The following DMD variants were observed in gnomAD, a reference collection of about 807,000 sequenced individuals.
The protein encoded by DMD is dystrophin.
DMD carries 63 observed loss-of-function variants against 330.1 expected under a neutral mutation model. The ratio of observed to expected loss-of-function variants is 0.19; its 90% CI spans 0.16 to 0.24. DMD has a LOEUF of 0.24. Ranked by LOEUF, DMD falls within the 10% of genes least tolerant of loss-of-function variation. The pLI is 1.00. For synonymous variants in DMD, 1,223 were observed against 959.8 expected, an observed-to-expected ratio of 1.27 and a Z score of -5.07; for missense variants, 3,344 against 2,684.1, an observed-to-expected ratio of 1.25 and a Z score of -5.43.
At chrX:32,779,347 C>T (rs1330100230) in intron 7 of DMD, among the ~76,000 whole-genome samples, 1 of 110,183 alleles carries the variant, frequency 9.1e-6, no homozygotes, top group Non-Finnish European at 1.9e-5. Flanking sequence ...TATGCTAGCA[C>T]ATTTTTTCTG....
chrX:32,689,661 C>G (rs1017779285), intron 9 of DMD, among the ~76,000 whole-genome samples: 1 of 110,599 alleles, frequency 9.0e-6, no homozygotes, highest in Non-Finnish European at 1.9e-5. Context: ...CAACAAAATT[C>G]TGGCAAATTT....
intron 11 of DMD, among the ~76,000 whole-genome samples, chrX:32,626,762 T>A (rs1267118497): frequency 2.9e-5 from 3 of 104,236 alleles, no homozygotes; most frequent in Non-Finnish European, 5.7e-5. Flanking sequence ...TATACCTATG[T>A]ATCAAACCTG....
chrX:32,107,445 T>C (rs1276691683), intron 44 of DMD, among the ~76,000 whole-genome samples: 1 of 106,949 alleles, frequency 9.4e-6, no homozygotes, highest in Non-Finnish European at 1.9e-5. Context: ...GACTGACAAC[T>C]CCCAAGGTAT....
intron 44 of DMD, among the ~76,000 whole-genome samples, chrX:32,132,122 T>C (rs1313851679): frequency 8.9e-6 from 1 of 111,939 alleles, no homozygotes; most frequent in Non-Finnish European, 1.9e-5. Context: ...ATGATGAATA[T>C]TATAAAATAA....
At chrX:32,327,190 G>A (rs773181907) in intron 41 of DMD, among the ~76,000 whole-genome samples, 3 of 37,925 alleles carry the variant, frequency 7.9e-5, no homozygotes, top group East Asian at 1.2e-3. Flanking sequence ...AAGCTACTAG[G>A]GGCACAAAAA....
chrX:31,635,510 A>G (rs1318534139), intron 54 of DMD, among the ~76,000 whole-genome samples: 1 of 111,930 alleles, frequency 8.9e-6, no homozygotes, highest in Admixed American at 9.5e-5. Context: ...CATAATATTC[A>G]GAAGACAGCA....
chrX:32,561,322 T>G (rs1321980084), intron 16 of DMD, among the ~76,000 whole-genome samples: 1 of 111,106 alleles, frequency 9.0e-6, no homozygotes, highest in Non-Finnish European at 1.9e-5. Flanking sequence ...AATGACCTGA[T>G]AGAGCTGAGA....
chrX:32,413,560 C>A (rs1325096064), intron 29 of DMD, among the ~76,000 whole-genome samples: 1 of 110,043 alleles, frequency 9.1e-6, no homozygotes, highest in Admixed American at 9.8e-5. Context: ...TATCTTACCT[C>A]AAATATGCTA....
chrX:31,936,535 C>G lies in DMD; in HGVS notation c.6615-4308G>C, dbSNP rs559007283. ...TTCCACTGTCAATTATCGGCAATGT[C>G]TGTTGCCCATTTTTCCTGTGTTTTC... On this transcript the variant is annotated intron_variant, in intron 45 of 78. Coordinates refer to ENST00000357033, the MANE Select transcript of DMD (RefSeq NM_004006.3). Among the ~76,000 whole-genome samples, 7 of 111,815 alleles carry G rather than the reference C, an allele frequency of 6.3e-5. No homozygotes were observed. In the South Asian group the frequency reaches 2.6e-3, roughly 41 times the overall value.
At chrX:32,075,636 G>A (rs900697024) in intron 44 of DMD, among the ~76,000 whole-genome samples, 1 of 110,877 alleles carries the variant, frequency 9.0e-6, no homozygotes, top group African/African-American at 3.3e-5. Flanking sequence ...TATCCCTTGA[G>A]GCCTGGTAAA....
chrX:32,274,549 T>G (rs1388627978), intron 43 of DMD, among the ~76,000 whole-genome samples: 1 of 112,366 alleles, frequency 8.9e-6, no homozygotes, highest in African/African-American at 3.2e-5. Context: ...AATAGGAATA[T>G]GCAGAAGATA....
chrX:32,497,727 C>G (rs2043640680), intron 19 of DMD, among the ~76,000 whole-genome samples: 1 of 111,135 alleles, frequency 9.0e-6, no homozygotes, highest in Non-Finnish European at 1.9e-5. Flanking sequence ...ACGTCTAATC[C>G]TAAATAGATA....
At position 31,225,385 on chromosome X, in the gene DMD, G is replaced by A. The variant is rs185121349; in HGVS notation, c.9287-2264C>T. ...TAATTTTCCTAATTAATAGTTAGAC[G>A]GGCCTGTGTAGTGATATTAGTGGTT... On this transcript the variant is annotated intron_variant, in intron 63 of 78. Transcript: ENST00000357033. 4.5e-5 allele frequency among the ~76,000 whole-genome samples: 5 copies of A among 112,327 alleles called. No individual in the cohort carries two copies. The Admixed American group carries it at 4.7e-4, about 11-fold the overall frequency.
chrX:31,429,780 T>A (rs1032054594), intron 60 of DMD, among the ~76,000 whole-genome samples: 2 of 110,771 alleles, frequency 1.8e-5, no homozygotes, highest in Admixed American at 1.9e-4. Context: ...AGAAGAGCTA[T>A]CATAAAAAGG....
chrX:31,521,547 G>C (rs946335680), intron 55 of DMD, among the ~76,000 whole-genome samples: 4 of 112,139 alleles, frequency 3.6e-5, no homozygotes, highest in African/African-American at 1.3e-4. Flanking sequence ...CTGCATATCA[G>C]CATTGTCGCT....
intron 47 of DMD, among the ~76,000 whole-genome samples, chrX:31,904,190 T>C (rs906181502): frequency 9.0e-6 from 1 of 111,727 alleles, no homozygotes; most frequent in Non-Finnish European, 1.9e-5. Context: ...TATGAAGGAA[T>C]AAATTCAATT....
At chrX:31,132,708 T>C (rs2034672140) in intron 77 of DMD, among the ~76,000 whole-genome samples, 1 of 111,121 alleles carries the variant, frequency 9.0e-6, no homozygotes, top group East Asian at 2.8e-4. Context: ...CCTCCACTGG[T>C]ACGTAGTAGG....
At chrX:32,688,748 A>T (rs776997133) in intron 9 of DMD, among the ~76,000 whole-genome samples, 6 of 111,966 alleles carry the variant, frequency 5.4e-5, no homozygotes, top group Non-Finnish European at 9.4e-5. Flanking sequence ...TTAATATCTT[A>T]GCTATGGAAT....
In DMD at chrX:33,190,677, C is replaced by T. The variant is rs2050493114; in HGVS notation, c.31+20605G>A. 9.8e-5 allele frequency among the ~76,000 whole-genome samples: 2 copies of T among 20,349 alleles called. 1 individual carries two copies. Among genetic ancestry groups the T allele is most frequent in the African/African-American group, 1.6e-4 (2 of 12,720 alleles). The allele number at this position is 20,349 out of a possible 115,157, so 17.7% of individuals were successfully genotyped here. On this transcript the variant is annotated intron_variant, in intron 1 of 78. Transcript: ENST00000357033. ...TAATTTTTTGTATTTTTAGTAGAGA[C>T]GGGGTTTCACCTTGTTAGCCAGGAT...
Sources: allele counts gnomAD v4.1 joint callset (sites outside exome capture counted in the v4.1 genomes callset), GRCh38; gene constraint gnomAD v4.1.1; transcripts MANE v1.5; gene names NCBI Gene and HGNC (gene_info 2026-07-23, HGNC 2026-07-21).